C8orf34: variants seen among roughly 807,000 people sequenced by gnomAD.
C8orf34 encodes the protein chromosome 8 open reading frame 34, also known as uncharacterized protein C8orf34.
C8orf34 carries 65 observed loss-of-function variants against 68.3 expected under a neutral mutation model. The ratio of observed to expected loss-of-function variants is 0.95; its 90% CI spans 0.78 to 1.17. The LOEUF (loss-of-function observed/expected upper bound fraction) is 1.17, where lower values mean the gene tolerates loss of function less well. Ranked by LOEUF, C8orf34 falls within the 50% of genes most tolerant of loss-of-function variation. The pLI, the probability that C8orf34 is intolerant of heterozygous loss-of-function variation, is 0.00. For missense variants in C8orf34, 664 were observed against 655.4 expected (o/e 1.01, Z -0.14); for synonymous variants, 244 against 241.2 (o/e 1.01, Z -0.11).
intron 1 of C8orf34, among the ~76,000 whole-genome samples, chr8:68,425,867 A>G (rs1333186619): frequency 6.6e-6 from 1 of 152,190 alleles, no homozygotes; most frequent in Non-Finnish European, 1.5e-5. Flanking sequence ...ATAGATATAC[A>G]TACCCGATAT....
At chr8:68,686,431 A>C (rs963651534) in intron 8 of C8orf34, among the ~76,000 whole-genome samples, 1 of 152,282 alleles carries the variant, frequency 6.6e-6, no homozygotes, top group Non-Finnish European at 1.5e-5. Context: ...AAGGCAATAC[A>C]TCATGATCAA....
intron 7 of C8orf34, among the ~76,000 whole-genome samples, chr8:68,618,864 G>C (rs1818305869): frequency 6.6e-6 from 1 of 152,034 alleles, no homozygotes; most frequent in Non-Finnish European, 1.5e-5. Context: ...AAGAATAATA[G>C]ACAAACATTT....
chr8:68,741,047 T>C (rs1822275439), intron 10 of C8orf34, among the ~76,000 whole-genome samples: 1 of 150,854 alleles, frequency 6.6e-6, no homozygotes, highest in Non-Finnish European at 1.5e-5. Flanking sequence ...CATGGACACA[T>C]AGAGGGGGAA....
intron 10 of C8orf34, among the ~76,000 whole-genome samples, chr8:68,767,517 A>G (rs534363038): frequency 6.6e-6 from 1 of 152,312 alleles, no homozygotes; most frequent in African/African-American, 2.4e-5. Context: ...TCTGGCTTTT[A>G]CTAACATCAT....
At chr8:68,443,555 T>G (rs945621637) in intron 2 of C8orf34, among the ~76,000 whole-genome samples, 3 of 151,746 alleles carry the variant, frequency 2.0e-5, no homozygotes, top group Non-Finnish European at 4.4e-5. Flanking sequence ...CCAGCCACCA[T>G]GCCGAGCTAA....
chr8:68,790,291 C>G (rs1042768620), intron 12 of C8orf34, among the ~76,000 whole-genome samples: 4 of 152,192 alleles, frequency 2.6e-5, no homozygotes, highest in African/African-American at 9.6e-5. Context: ...AGCCCAGTAT[C>G]TGATTTAGAA....
intron 4 of C8orf34, among the ~76,000 whole-genome samples, chr8:68,480,852 A>G (rs189776729): frequency 5.3e-4 from 80 of 152,324 alleles, no homozygotes; most frequent in Non-Finnish European, 7.1e-4. Flanking sequence ...TCTGTTTTTT[A>G]TAAGGGGAGT....
At chr8:68,462,224 T>C (rs2129629123) in intron 3 of C8orf34, among the ~76,000 whole-genome samples, 1 of 152,190 alleles carries the variant, frequency 6.6e-6, no homozygotes. Context: ...AGGGATCAAT[T>C]CAACAAGAAG....
rs563309581 is a variant in C8orf34 at position 68,410,106 on chromosome 8, C to T, written c.328-29393C>T. Among the ~76,000 whole-genome samples the T allele has an allele frequency of 2.6e-5, 4 of 152,220 alleles. No homozygotes were observed. The South Asian group carries it at 6.2e-4, about 24-fold the overall frequency. ...AATGTATCCCTATTACTAAGTGAGA[C>T]GTGACTGCATAGAAATATAATATAA... On this transcript the variant is annotated intron_variant, in intron 1 of 13. Transcript: ENST00000518698.
intron 8 of C8orf34, among the ~76,000 whole-genome samples, chr8:68,651,544 A>C (rs1033486904): frequency 1.3e-5 from 2 of 152,246 alleles, no homozygotes; most frequent in Non-Finnish European, 2.9e-5. Context: ...CAATTAGGGA[A>C]TGAAAACAGT....
chr8:68,508,826 A>C (rs1365745346), intron 5 of C8orf34, among the ~76,000 whole-genome samples: 1 of 152,198 alleles, frequency 6.6e-6, no homozygotes, highest in Non-Finnish European at 1.5e-5. Context: ...AGACTTGCAG[A>C]CAATTTGAAT....
intron 10 of C8orf34, among the ~76,000 whole-genome samples, chr8:68,730,601 AT>A (rs1219485027): frequency 1.4e-4 from 21 of 152,296 alleles, no homozygotes; most frequent in Admixed American, 1.4e-3. Context: ...TAGGGAAAAA[AT>A]GGCCTGAGAT....
In C8orf34 at chr8:68,343,875, A is replaced by G. The variant is rs1292489196; in HGVS notation, c.327+12536A>G. Among the ~76,000 whole-genome samples, 3 of 152,028 alleles carry G rather than the reference A, an allele frequency of 2.0e-5. No individual in the cohort carries two copies. In the East Asian group the frequency reaches 5.8e-4, roughly 29 times the overall value. ...CCAAAGTGCTGGGATTACAGGCGTGAGCCACCATGCCAGGCCAATTTTTGT... is the reference window on the plus strand; with the variant it reads ...CCAAAGTGCTGGGATTACAGGCGTGGGCCACCATGCCAGGCCAATTTTTGT... On this transcript the variant is annotated intron_variant, in intron 1 of 13. Coordinates refer to ENST00000518698, the MANE Select transcript of C8orf34 (RefSeq NM_052958.4).
At chr8:68,492,145 G>A (rs1172303021) in intron 5 of C8orf34, among the ~76,000 whole-genome samples, 1 of 152,108 alleles carries the variant, frequency 6.6e-6, no homozygotes, top group Non-Finnish European at 1.5e-5. Context: ...TCTTCCTAAA[G>A]CAAAATCTTA....
chr8:68,632,440 C>G (rs932954578), intron 7 of C8orf34, among the ~76,000 whole-genome samples: 11 of 151,930 alleles, frequency 7.2e-5, no homozygotes, highest in Admixed American at 2.0e-4. Flanking sequence ...GGAAGCAGAC[C>G]GTAAAAGTTT....
intron 8 of C8orf34, among the ~76,000 whole-genome samples, chr8:68,694,886 A>G (rs1282964077): frequency 2.6e-5 from 4 of 151,834 alleles, no homozygotes; most frequent in Non-Finnish European, 5.9e-5. Flanking sequence ...GATTTTATTT[A>G]TTTTATTTTT....
intron 8 of C8orf34, among the ~76,000 whole-genome samples, chr8:68,658,310 AATGACTGAGCTATCC>A (rs1276219476): frequency 7.2e-6 from 1 of 139,762 alleles, no homozygotes; most frequent in East Asian, 2.7e-4. Context: ...CCCTTTGAAT[AATGACTGAGCTATCC>A]ATTACTGTTC....
At chr8:68,515,557 T>TATATGCA (rs1814475285) in intron 5 of C8orf34, among the ~76,000 whole-genome samples, 1 of 152,116 alleles carries the variant, frequency 6.6e-6, no homozygotes, top group African/African-American at 2.4e-5. Context: ...TTGTGAAAAG[T>TATATGCA]ATATGCAAAC....
intron 6 of C8orf34, among the ~76,000 whole-genome samples, chr8:68,523,456 C>G (rs574963919): frequency 6.6e-6 from 1 of 152,286 alleles, no homozygotes; most frequent in African/African-American, 2.4e-5. Context: ...ACTCCCTTAT[C>G]TAGAAAACTC....
Sources: gnomAD v4.1 joint callset for allele counts (sites outside exome capture counted in the v4.1 genomes callset) on GRCh38, gnomAD v4.1.1 for gene constraint, MANE v1.5 for transcripts, NCBI Gene and HGNC (gene_info 2026-07-23, HGNC 2026-07-21) for gene names.